The following IRAG1 variants were observed in gnomAD, a reference collection of about 807,000 sequenced individuals.
The protein encoded by IRAG1 is inositol 1,4,5-triphosphate receptor associated 1.
IRAG1 carries 62 observed loss-of-function variants against 106.2 expected under a neutral mutation model. The observed-to-expected ratio is 0.58, with a 90% CI of 0.48 to 0.72. The LOEUF (loss-of-function observed/expected upper bound fraction) is 0.72. Ranked by LOEUF, IRAG1 falls within the 30% of genes least tolerant of loss-of-function variation. The pLI, the probability that IRAG1 is intolerant of heterozygous loss-of-function variation, is 0.00. For missense variants in IRAG1, 1,064 were observed against 1,140.7 expected, an observed-to-expected ratio of 0.93 and a Z score of 0.97; for synonymous variants, 462 against 443.9, an observed-to-expected ratio of 1.04 and a Z score of -0.51.
intron 1 of IRAG1, among the ~76,000 whole-genome samples, chr11:10,655,810 C>T (rs1390060777): frequency 6.6e-6 from 1 of 152,132 alleles, no homozygotes; most frequent in Non-Finnish European, 1.5e-5. Context: ...TAAGTCAGTC[C>T]CTGTGACAGA....
At chr11:10,603,068 A>G in intron 14 of IRAG1, 52 bp downstream of exon 14, 1 of 1,573,090 alleles carries the variant, frequency 6.4e-7, no homozygotes, top group Non-Finnish European at 8.6e-7. Context: ...TGATTGCTCT[A>G]CTTTACGTAG....
chr11:10,589,004 T>G (rs988592062), intron 18 of IRAG1: 1 of 152,254 alleles, frequency 6.6e-6, no homozygotes, highest in African/African-American at 2.4e-5. Flanking sequence ...TCCACCCATA[T>G]GTTTAAGTCT....
At chr11:10,591,245 C>T (rs982637539) in intron 18 of IRAG1, among the ~76,000 whole-genome samples, 1 of 152,166 alleles carries the variant, frequency 6.6e-6, no homozygotes, top group African/African-American at 2.4e-5. Context: ...TTAATTAAGT[C>T]CCATTGAGTT....
intron 2 of IRAG1, among the ~76,000 whole-genome samples, chr11:10,646,359 C>T (rs748670268): frequency 2.6e-5 from 4 of 152,166 alleles, no homozygotes; most frequent in Non-Finnish European, 5.9e-5. Context: ...ATCCTCCCTT[C>T]CTTCCTCCCT....
chr11:10,681,209 A>G (rs1165149439), intron 1 of IRAG1, among the ~76,000 whole-genome samples: 1 of 152,164 alleles, frequency 6.6e-6, no homozygotes, highest in Non-Finnish European at 1.5e-5. Flanking sequence ...CTGCCCCCAG[A>G]GCTGGAGTGC....
intron 1 of IRAG1, among the ~76,000 whole-genome samples, chr11:10,662,725 G>A (rs1386547850): frequency 6.6e-6 from 1 of 152,204 alleles, no homozygotes; most frequent in Non-Finnish European, 1.5e-5. Context: ...GAGCAGAGCC[G>A]GGAGGCTTTG....
chr11:10,620,250 A>T (rs1486144521), intron 10 of IRAG1, among the ~76,000 whole-genome samples: 1 of 152,162 alleles, frequency 6.6e-6, no homozygotes, highest in Non-Finnish European at 1.5e-5. Flanking sequence ...ATAATAGAAG[A>T]CTTCTCAAAG....
At chr11:10,615,662 C>T (rs1315154955) in intron 10 of IRAG1, among the ~76,000 whole-genome samples, 1 of 151,994 alleles carries the variant, frequency 6.6e-6, no homozygotes, top group Non-Finnish European at 1.5e-5. Flanking sequence ...AACCATCATT[C>T]TCAGCAAACT....
intron 11 of IRAG1, among the ~76,000 whole-genome samples, chr11:10,608,239 C>T (rs2134383547): frequency 6.6e-6 from 1 of 152,298 alleles, no homozygotes; most frequent in Non-Finnish European, 1.5e-5. Flanking sequence ...ATCCTCCTGC[C>T]TCAGCCACCA....
chr11:10,618,823 G>T (rs528593977), intron 10 of IRAG1, among the ~76,000 whole-genome samples: 1 of 152,328 alleles, frequency 6.6e-6, no homozygotes, highest in East Asian at 1.9e-4. Flanking sequence ...TAACTATTCA[G>T]GGCCTTGTAG....
intron 20 of IRAG1, among the ~76,000 whole-genome samples, chr11:10,579,916 A>G (rs551521468): frequency 6.6e-6 from 1 of 152,328 alleles, no homozygotes; most frequent in African/African-American, 2.4e-5. Context: ...AGTATTTCCA[A>G]CCTAAAGTGA....
chr11:10,633,231 C>T (rs893572654), intron 3 of IRAG1, among the ~76,000 whole-genome samples: 7 of 152,006 alleles, frequency 4.6e-5, no homozygotes, highest in Non-Finnish European at 8.8e-5. Context: ...CCCGCCACCA[C>T]ACCCGGCTAA....
At chr11:10,661,237 C>A (rs1206540508) in intron 1 of IRAG1, among the ~76,000 whole-genome samples, 1 of 152,164 alleles carries the variant, frequency 6.6e-6, no homozygotes, top group African/African-American at 2.4e-5. Context: ...TTGCATACAT[C>A]CTCCTCCTTA....
intron 9 of IRAG1, 85 bp from the exon 10 acceptor site, chr11:10,623,941 C>T: frequency 7.6e-7 from 1 of 1,309,566 alleles, no homozygotes; most frequent in Non-Finnish European, 1.1e-6. Flanking sequence ...GGTTCTGCGA[C>T]CACTATCTTA....
At chr11:10,632,545 G>A (rs1051893385) in intron 3 of IRAG1, among the ~76,000 whole-genome samples, 6 of 152,124 alleles carry the variant, frequency 3.9e-5, no homozygotes, top group African/African-American at 1.4e-4. Flanking sequence ...CTTCTCGAGG[G>A]TTTCTCTGAC....
intron 2 of IRAG1, among the ~76,000 whole-genome samples, chr11:10,650,874 T>C (rs1858427894): frequency 6.6e-6 from 1 of 152,248 alleles, no homozygotes; most frequent in Admixed American, 6.5e-5. Flanking sequence ...GCTTGGGATA[T>C]GCAGATACAA....
chr11:10,625,907 C>A, intron 9 of IRAG1, 59 bp downstream of exon 9: 1 of 1,360,384 alleles, frequency 7.4e-7, no homozygotes. Flanking sequence ...GCCCTGAGGT[C>A]TTCAGCCCAG....
chr11:10,647,418 A>G lies in IRAG1; in HGVS notation c.225+4607T>C, dbSNP rs1858050163. On this transcript the variant is annotated intron_variant, in intron 2 of 20. Transcript: ENST00000423302. The surrounding 1 kb of genome is among the most constrained non-coding windows in gnomAD (Gnocchi z 4.3). ...ACGAGTATCTGGCACAGGGTTAGCT[A>G]TTATTATTAAGTGGCTTTGTGTGCA... Among the ~76,000 whole-genome samples the G allele has an allele frequency of 6.6e-6, 1 of 152,232 alleles. No homozygotes were observed. The highest frequency in any genetic ancestry group is 2.4e-5 in the African/African-American group (1 of 41,460).
chr11:10,663,819 C>T (rs115129863), intron 1 of IRAG1, among the ~76,000 whole-genome samples: 136 of 152,320 alleles, frequency 8.9e-4, no homozygotes, highest in African/African-American at 2.7e-3. Flanking sequence ...AATGTAGATA[C>T]GCTAGCTCTT....
Sources: allele counts gnomAD v4.1 joint callset (sites outside exome capture counted in the v4.1 genomes callset), GRCh38; gene constraint gnomAD v4.1.1; non-coding constraint Gnocchi (gnomAD v3.1); transcripts MANE v1.5; gene names NCBI Gene and HGNC (gene_info 2026-07-23, HGNC 2026-07-21).